TLN1: variants seen among roughly 807,000 people sequenced by gnomAD.
TLN1 encodes the protein talin-1.
TLN1 carries 56 observed loss-of-function variants against 292.3 expected under a neutral mutation model. That is an observed-to-expected ratio of 0.19 (90% CI 0.15 to 0.24). The LOEUF (loss-of-function observed/expected upper bound fraction) is 0.24. Among genes scored for constraint, TLN1 ranks in the 10% least tolerant of loss-of-function variants. TLN1 has a pLI of 1.00. For missense variants in TLN1, 2,433 were observed against 3,248.2 expected (o/e 0.75, Z 6.10); for synonymous variants, 1,119 against 1,253.7 (o/e 0.89, Z 2.27).
In TLN1 at chr9:35,724,302, C is replaced by T. The variant is rs774849472; in HGVS notation, c.544G>A (p.Glu182Lys). ...NWLDHGRTLREQGVEEHETLL... is the reference protein window; with the variant it reads ...NWLDHGRTLRKQGVEEHETLL... ...GTCTCGTGCTCCTCTACACCCTGCT[C>T]CCTCAGTGTCCGACCATGGTCCAGC... Residue 182 changes from glutamate to lysine, a missense_variant, in exon 6 of 57, where the codon GAG becomes AAG. This residue lies in a region of TLN1 where 155 missense variants were observed against 287.9 expected (regional missense o/e 0.54). Coordinates refer to ENST00000314888, the MANE Select transcript of TLN1 (RefSeq NM_006289.4). The surrounding 1 kb of genome is among the most constrained non-coding windows in gnomAD (Gnocchi z 4.7). The T allele has an allele frequency of 1.2e-6, 2 of 1,614,176 alleles. No individual in the cohort carries two copies. The highest frequency in any genetic ancestry group is 1.7e-6 in the Non-Finnish European group (2 of 1,180,030).
chr9:35,730,238 G>A (rs1826049719), intron 1 of TLN1, among the ~76,000 whole-genome samples: 1 of 151,982 alleles, frequency 6.6e-6, no homozygotes, highest in Admixed American at 6.6e-5. Context: ...CAATGTCTAA[G>A]TAAAGCTGGA....
intron 17 of TLN1, 40 bp downstream of exon 17, chr9:35,718,772 C>A: frequency 6.4e-7 from 1 of 1,572,212 alleles, no homozygotes; most frequent in East Asian, 2.3e-5. Flanking sequence ...AAGTTACTTC[C>A]TAGATTCTGG....
Position 35,706,014 on chromosome 9 carries a change from G to A in TLN1, c.5459C>T (p.Ala1820Val), listed in dbSNP as rs878899170. 12 of 1,614,238 alleles carry A rather than the reference G, an allele frequency of 7.4e-6. No individual in the cohort carries two copies. Among genetic ancestry groups the A allele is most frequent in the Non-Finnish European group, 1.0e-5 (12 of 1,180,032 alleles). The change falls in exon 41 of 57, where the codon GCT (alanine) becomes GTT (valine). Residue 1820 changes from alanine (A) to valine (V), a missense_variant. Ala to Val is a moderately conservative substitution (Grantham distance 64). This residue lies in a region of TLN1 where 1,384 missense variants were observed against 1,699.6 expected (regional missense o/e 0.81). Transcript: ENST00000314888. The surrounding 1 kb of genome is among the most constrained non-coding windows in gnomAD (Gnocchi z 4.2). ...CACCATGCCACCCACGACCCCAGCA[G>A]CACTGGCTGCCTCGTTGAGGGTTGT... ...LTTTLNEAAS[A>V]AGVVGGMVDS... is the part of the protein sequence containing the mutation.
At chr9:35,723,005 G>A in intron 7 of TLN1, 84 bp from the exon 8 acceptor site, 2 of 1,155,388 alleles carry the variant, frequency 1.7e-6, no homozygotes, top group Non-Finnish European at 1.3e-6. Flanking sequence ...GGGGGTATGA[G>A]GAAATACCTA....
chr9:35,716,612 G>T (rs2131898493), intron 19 of TLN1, 56 bp from the exon 20 acceptor site: 4 of 1,588,514 alleles, frequency 2.5e-6, no homozygotes, highest in East Asian at 2.3e-5. Context: ...GGTGTCAGGG[G>T]TGGGGACAAA....
Position 35,710,681 on chromosome 9 carries a change from C to A in TLN1, c.4206G>T (p.Val1402=), listed in dbSNP as rs1825652284. The A allele has an allele frequency of 1.9e-6, 3 of 1,614,054 alleles. No individual in the cohort carries two copies. In the South Asian group the frequency reaches 3.3e-5, roughly 18 times the overall value. The part of the protein sequence containing the change: ...CLDSVMENSK[V]LGEAMTGISQ... ...AGATGCCAGTCATGGCCTCGCCCAG[C>A]ACCTGAGGAACAGAGGACATCAGGG... The change falls in exon 33 of 57, where the codon GTG becomes GTT. Residue 1402 remains valine, a splice_region_variant and synonymous_variant. Transcript: ENST00000314888.
intron 3 of TLN1, 108 bp downstream of exon 3, chr9:35,725,116 G>C: frequency 6.6e-7 from 1 of 1,524,736 alleles, no homozygotes; most frequent in Non-Finnish European, 9.0e-7. Flanking sequence ...TAGGAAGAAA[G>C]CATGGGGAGG....
At chr9:35,730,180 G>C (rs534534741) in intron 1 of TLN1, among the ~76,000 whole-genome samples, 48 of 144,168 alleles carry the variant, frequency 3.3e-4, no homozygotes, top group Non-Finnish European at 4.5e-5. Flanking sequence ...CCTGTGGTCA[G>C]TCACTAAATC....
chr9:35,709,715 C>G (rs1001964555), intron 33 of TLN1, among the ~76,000 whole-genome samples: 1 of 141,830 alleles, frequency 7.1e-6, no homozygotes, highest in East Asian at 2.1e-4. Context: ...GGTGAAACCC[C>G]GTCTCTACTA....
rs754859088 is a variant in TLN1, at chr9:35,711,368, C to G, written c.3906G>C (p.Val1302=). ...APSQEDRAQV[V]SNLKGISMSS... The stretch of plus-strand genomic sequence containing the variant: ...ACATGGAGATGCCCTTCAAGTTGGA[C>G]ACAACTTGGGCTCGGTCCTCCTGGC... The change falls in exon 30 of 57, where the codon GTG becomes GTC. Residue 1302 remains valine (V), a synonymous_variant. Transcript: ENST00000314888. 1.9e-5 allele frequency: 30 copies of G among 1,614,074 alleles called. No individual in the cohort carries two copies. The highest frequency in any genetic ancestry group is 2.5e-5 in the Non-Finnish European group (29 of 1,180,042).
rs767056727 is a variant in TLN1, at chr9:35,706,445, G to A, written c.5190+5C>T. The A allele has an allele frequency of 6.2e-7, 1 of 1,614,080 alleles. No individual in the cohort carries two copies. The highest frequency in any genetic ancestry group is 1.7e-5 in the Admixed American group (1 of 60,006). On this transcript the variant is annotated splice_donor_5th_base_variant and intron_variant, in intron 39 of 56. Coordinates refer to ENST00000314888, the MANE Select transcript of TLN1 (RefSeq NM_006289.4). This position sits in a 1 kb window ranked among gnomAD's most constrained non-coding sequence, Gnocchi z 4.2. The stretch of plus-strand genomic sequence containing the variant: ...CTGGGACTTCCCATGAGTCTCCATA[G>A]GTACCTTGTGTCCCAGCTGGGAGGC...
chr9:35,706,517 T>G lies in TLN1; in HGVS notation c.5123A>C (p.Glu1708Ala). The G allele has an allele frequency of 1.9e-6, 3 of 1,614,088 alleles. No homozygotes were observed. The highest frequency in any genetic ancestry group is 2.5e-6 in the Non-Finnish European group (3 of 1,180,012). The change falls in exon 39 of 57, where the codon GAG becomes GCG. Residue 1708 changes from glutamate (E) to alanine (A), a missense_variant. Physicochemically the swap from Glu to Ala is moderately radical, Grantham distance 107. Transcript: ENST00000314888. This position sits in a 1 kb window ranked among gnomAD's most constrained non-coding sequence, Gnocchi z 4.2. The part of the protein sequence containing the change: ...LHTQMLTAVQ[E>A]ISHLIEPLAN... ...CAGCGGCTCAATGAGATGGGAGATCTCTTGGACTGCAGTGAGCATCTGAGT... is the reference window on the plus strand; with the variant it reads ...CAGCGGCTCAATGAGATGGGAGATCGCTTGGACTGCAGTGAGCATCTGAGT...
intron 33 of TLN1, 132 bp downstream of exon 33, chr9:35,710,429 G>A (rs1365418511): frequency 7.5e-7 from 1 of 1,326,320 alleles, no homozygotes; most frequent in Non-Finnish European, 1.0e-6. Flanking sequence ...TTCAGGAGGA[G>A]GACAACCCAG....
In TLN1 at chr9:35,714,910, G is replaced by A; in HGVS notation, c.2755-34C>T. On this transcript the variant is annotated intron_variant, in intron 21 of 56. Transcript: ENST00000314888. The surrounding 1 kb of genome is among the most constrained non-coding windows in gnomAD (Gnocchi z 4.6). ...ACAAGAGTAGTCAGACCAAGCCCAT[G>A]GATTCCCATGCCCAGCCCAGTCCCT... 6.3e-7 allele frequency: 1 copy of A among 1,597,126 alleles called. No homozygotes were observed. Among genetic ancestry groups the A allele is most frequent in the Non-Finnish European group, 8.5e-7 (1 of 1,171,312 alleles).
rs142728826 is a variant in TLN1, at chr9:35,724,788, G to C, written c.358+42C>G. 1,867 of 1,613,702 alleles carry C rather than the reference G, an allele frequency of 1.2e-3. 19 individuals carry two copies. In the African/African-American group the frequency reaches 0.021, roughly 18 times the overall value. On this transcript the variant is annotated intron_variant, in intron 4 of 56. Coordinates refer to ENST00000314888, the MANE Select transcript of TLN1 (RefSeq NM_006289.4). This position sits in a 1 kb window ranked among gnomAD's most constrained non-coding sequence, Gnocchi z 4.7. ...CATCCATGCCTTTTGAGAGAGTTGA[G>C]GCTTTCTGGCCCAGGCTTTCAACTG...
chr9:35,715,051 A>T lies in TLN1; in HGVS notation c.2754+8T>A. ...CTCTCTTGCTCCTGGTGAAACTCCC[A>T]GCCTCACCTCCAGGCGCTGCACCAG... is the stretch of plus-strand genomic sequence containing the variant. On this transcript the variant is annotated splice_region_variant and intron_variant, in intron 21 of 56. Transcript: ENST00000314888. The T allele has an allele frequency of 1.2e-6, 2 of 1,612,816 alleles. No homozygotes were observed. Among genetic ancestry groups the T allele is most frequent in the Non-Finnish European group, 1.7e-6 (2 of 1,180,038 alleles).
rs376223477 is a variant in TLN1 at position 35,697,762 on chromosome 9, C to T, written c.*29G>A. On this transcript the variant is annotated 3_prime_UTR_variant, in exon 57 of 57. Coordinates refer to ENST00000314888, the MANE Select transcript of TLN1 (RefSeq NM_006289.4). ...GTAGTGGCACGCACAGTCTCTGGGCCGGGTCTGCATTAAATAGAAGAGGCT... is the reference window on the plus strand; with the variant it reads ...GTAGTGGCACGCACAGTCTCTGGGCTGGGTCTGCATTAAATAGAAGAGGCT... 6.1e-5 allele frequency: 99 copies of T among 1,611,762 alleles called. No homozygotes were observed. The highest frequency in any genetic ancestry group is 7.5e-5 in the Non-Finnish European group (89 of 1,178,874).
Position 35,719,262 on chromosome 9 carries a change from A to G in TLN1, c.1708T>C (p.Tyr570His), listed in dbSNP as rs1182780311. ...LTAGDPAETD[Y>H]TAVGCAVTTI... ...GTGACTGCACAGCCCACTGCGGTAT[A>G]GTCTGTCTCAGCAGGGTCCCCTAAG... The change falls in exon 16 of 57, where the codon TAT becomes CAT. Residue 570 changes from tyrosine (Y) to histidine (H), a missense_variant. Coordinates refer to ENST00000314888, the MANE Select transcript of TLN1 (RefSeq NM_006289.4). The surrounding 1 kb of genome is among the most constrained non-coding windows in gnomAD (Gnocchi z 4.6). 8.7e-6 allele frequency: 14 copies of G among 1,613,730 alleles called. No homozygotes were observed. The highest frequency in any genetic ancestry group is 1.1e-5 in the Non-Finnish European group (13 of 1,179,810).
Position 35,698,231 on chromosome 9 carries a change from T to G in TLN1, c.7372-59A>C, listed in dbSNP as rs1825401364. 6.2e-7 allele frequency: 1 copy of G among 1,609,984 alleles called. No homozygotes were observed. Among genetic ancestry groups the G allele is most frequent in the African/African-American group, 1.3e-5 (1 of 74,806 alleles). ...TCAGGTACGGTCCCAGTTGAGACAGTACCTCAATTCTCTCATAGAAACATA... is the reference window on the plus strand; with the variant it reads ...TCAGGTACGGTCCCAGTTGAGACAGGACCTCAATTCTCTCATAGAAACATA... On this transcript the variant is annotated intron_variant, in intron 55 of 56. Coordinates refer to ENST00000314888, the MANE Select transcript of TLN1 (RefSeq NM_006289.4). This position sits in a 1 kb window ranked among gnomAD's most constrained non-coding sequence, Gnocchi z 5.3.
Sources: gnomAD v4.1 joint callset for allele counts (sites outside exome capture counted in the v4.1 genomes callset) on GRCh38, gnomAD v4.1.1 for gene constraint, gnomAD v4.1.1 regional missense constraint, Gnocchi (gnomAD v3.1) non-coding constraint, MANE v1.5 for transcripts, NCBI Gene and HGNC (gene_info 2026-07-23, HGNC 2026-07-21) for gene names.